ITGA3: variants seen among roughly 807,000 people sequenced by gnomAD.
The protein encoded by ITGA3 is integrin subunit alpha 3.
A neutral mutation model predicts 131.1 loss-of-function variants in ITGA3; 70 were observed. That is an observed-to-expected ratio of 0.53 (90% CI 0.44 to 0.65). The LOEUF (loss-of-function observed/expected upper bound fraction) is 0.65, where lower values mean the gene tolerates loss of function less well. Among genes scored for constraint, ITGA3 ranks in the 30% least tolerant of loss-of-function variants. The probability of loss-of-function intolerance (pLI) is 0.00; values close to 1 mark genes in which losing one functional copy is unlikely to be tolerated. For missense variants in ITGA3, 1,098 were observed against 1,388.6 expected, an observed-to-expected ratio of 0.79 and a Z score of 3.33; for synonymous variants, 537 against 571.6, an observed-to-expected ratio of 0.94 and a Z score of 0.86.
chr17:50,083,723 C>CAAAA lies in ITGA3; in HGVS notation c.2919+2328_2919+2331dup, dbSNP rs34118743. ...TGGGTGACAGAGTGACATCTTGCCTCAAAAAAAAAAAAAAAAGAAACTAAA... is the reference window on the plus strand; with the variant it reads ...TGGGTGACAGAGTGACATCTTGCCTCAAAAAAAAAAAAAAAAAAAAGAAACTAAA... On this transcript the variant is annotated intron_variant, in intron 23 of 25. Transcript: ENST00000320031. Among the ~76,000 whole-genome samples the CAAAA allele has an allele frequency of 1.5e-4, 19 of 124,918 alleles. No individual in the cohort carries two copies. In the Admixed American group the frequency reaches 1.6e-3, roughly 10 times the overall value. The allele number at this position is 124,918 out of a possible 152,430, so 82.0% of individuals were successfully genotyped here. A position where few individuals can be genotyped will look rare whatever the true frequency, so the allele number is the denominator to read the frequency against.
At chr17:50,073,660 T>C (rs1908739310) in intron 7 of ITGA3, among the ~76,000 whole-genome samples, 1 of 151,546 alleles carries the variant, frequency 6.6e-6, no homozygotes, top group South Asian at 2.1e-4. Flanking sequence ...ACTGAATGCT[T>C]GACAACTGTC....
chr17:50,075,718 C>T lies in ITGA3; in HGVS notation c.1657C>T (p.Leu553=), dbSNP rs750516883. The T allele has an allele frequency of 4.3e-6, 7 of 1,613,952 alleles. No individual in the cohort carries two copies. Among genetic ancestry groups the T allele is most frequent in the Non-Finnish European group, 4.2e-6 (5 of 1,179,958 alleles). Residue 553 remains leucine (L), a synonymous_variant, in exon 12 of 26, where the codon CTG becomes TTG. Transcript: ENST00000320031. ...CATGCCCGAGATGCGCTGCCAGAAG[C>T]TGGAGCTGCTCCTGATGGTGAGGGA... ...FSMPEMRCQK[L]ELLLMDNLRD...
chr17:50,076,422 C>T lies in ITGA3; in HGVS notation c.1771C>T (p.Leu591=). Residue 591 remains leucine (L), a synonymous_variant, in exon 13 of 26, where the codon CTG becomes TTG. Coordinates refer to ENST00000320031, the MANE Select transcript of ITGA3 (RefSeq NM_002204.4). ...TCGCCCCCGGCTGGGGCTGCGGTCC[C>T]TGGACGCCTACCCGATCCTCAACCA... is the stretch of plus-strand genomic sequence containing the variant. The part of the protein sequence containing the change: ...PDRPRLGLRS[L]DAYPILNQAQ... 2 of 1,611,924 alleles carry T rather than the reference C, an allele frequency of 1.2e-6. No homozygotes were observed. Among genetic ancestry groups the T allele is most frequent in the Admixed American group, 1.7e-5 (1 of 60,024 alleles).
In ITGA3 at chr17:50,079,460, C is replaced by T; in HGVS notation, c.2609C>T (p.Pro870Leu). ...LSDPGDRPSS[P>L]QRRRRQLDPG... ...GACCCTGGGGACAGGCCATCATCCC[C>T]ACAGCGCAGGCGGCGACAGCTGGAT... Residue 870 changes from proline (P) to leucine (L), a missense_variant, in exon 21 of 26, where the codon CCA (proline) becomes CTA (leucine). Around this residue, in one of 3 missense-constraint regions of ITGA3, gnomAD observed 699 missense variants for 829.2 expected, o/e 0.84. Coordinates refer to ENST00000320031, the MANE Select transcript of ITGA3 (RefSeq NM_002204.4). 1.3e-6 allele frequency: 2 copies of T among 1,576,998 alleles called. No homozygotes were observed. The highest frequency in any genetic ancestry group is 1.7e-6 in the Non-Finnish European group (2 of 1,162,756).
intron 19 of ITGA3, 53 bp from the exon 20 acceptor site, chr17:50,079,023 G>A (rs1484913806): frequency 6.4e-7 from 1 of 1,566,516 alleles, no homozygotes; most frequent in African/African-American, 1.4e-5. Context: ...GGGTTGGTAA[G>A]ATGGAGGTGG....
At chr17:50,078,406 AC>A in intron 18 of ITGA3, 122 bp downstream of exon 18, 2 of 714,394 alleles carry the variant, frequency 2.8e-6, no homozygotes, top group Admixed American at 2.6e-5. Context: ...TCAGGCCTCC[AC>A]TTTCCCTGGA....
chr17:50,086,299 T>G (rs1373906239), intron 23 of ITGA3: 2 of 144,122 alleles, frequency 1.4e-5, no homozygotes, highest in African/African-American at 2.5e-5. Context: ...TATTAGATTA[T>G]ATATATAACT....
At position 50,064,038 on chromosome 17, in the gene ITGA3, G is replaced by A; in HGVS notation, c.207-39G>A. On this transcript the variant is annotated intron_variant, in intron 1 of 25. Transcript: ENST00000320031. This position sits in a 1 kb window ranked among gnomAD's most constrained non-coding sequence, Gnocchi z 4.4. ...ACAAGTTGTTCCAAGTGGGGCTTGG[G>A]GAGTCTGAACCCGGACCCACCTCCG... The A allele has an allele frequency of 6.2e-7, 1 of 1,607,232 alleles. No individual in the cohort carries two copies. The highest frequency in any genetic ancestry group is 1.3e-5 in the African/African-American group (1 of 74,906).
chr17:50,061,489 C>A (rs1908073996), intron 1 of ITGA3, among the ~76,000 whole-genome samples: 1 of 151,858 alleles, frequency 6.6e-6, no homozygotes, highest in African/African-American at 2.4e-5. Context: ...TACAGGCGTG[C>A]CCAAGGCCCG....
At position 50,056,523 on chromosome 17, in the gene ITGA3, C is replaced by G. The variant is rs982451007; in HGVS notation, c.84C>G (p.Cys28Trp). 1.9e-6 allele frequency: 3 copies of G among 1,551,916 alleles called. No homozygotes were observed. Among genetic ancestry groups the G allele is most frequent in the Non-Finnish European group, 2.6e-6 (3 of 1,148,280 alleles). ...ALALMVAAGG[C>W]VVSAFNLDTR... is the part of the protein sequence containing the mutation. ...CCTTGATGGTGGCGGCCGGCGGCTG[C>G]GTCGTCTCCGCCTTCAACCTGGATA... The change falls in exon 1 of 26, where the codon TGC (cysteine) becomes TGG (tryptophan). Residue 28 changes from cysteine (C) to tryptophan (W), a missense_variant. Coordinates refer to ENST00000320031, the MANE Select transcript of ITGA3 (RefSeq NM_002204.4). The surrounding 1 kb of genome is among the most constrained non-coding windows in gnomAD (Gnocchi z 5.6).
rs1477157012 is a variant in ITGA3 at position 50,064,925 on chromosome 17, CAG to C, written c.414+323_414+324del. The C allele has an allele frequency of 3.2e-5, 8 of 247,180 alleles. No individual in the cohort carries two copies. The highest frequency in any genetic ancestry group is 1.6e-4 in the African/African-American group (7 of 43,884). 15.3% of individuals were successfully genotyped at this position (247,180 alleles called of 1,614,324 possible). On this transcript the variant is annotated intron_variant, in intron 3 of 25. Transcript: ENST00000320031. This position sits in a 1 kb window ranked among gnomAD's most constrained non-coding sequence, Gnocchi z 4.4. ...AGGGAACTGCAAGGAGGAGAAAGGG[CAG>C]AGAGGGCCCCAGGCAGCTCAGCGCT...
At chr17:50,089,082 G>A (rs781323996) in intron 25 of ITGA3, 28 bp from the exon 26 acceptor site, 179 of 1,600,504 alleles carry the variant, frequency 1.1e-4, no homozygotes, top group Non-Finnish European at 1.5e-4. Context: ...GGATGCTAAT[G>A]TTCTTTCTCT....
chr17:50,062,585 G>A (rs551726566), intron 1 of ITGA3, among the ~76,000 whole-genome samples: 79 of 152,316 alleles, frequency 5.2e-4, no homozygotes, highest in African/African-American at 1.9e-3. Context: ...TTGAAGTATA[G>A]GCAAGGTCCC....
At chr17:50,070,214 A>G (rs1381724642) in intron 4 of ITGA3, among the ~76,000 whole-genome samples, 1 of 152,206 alleles carries the variant, frequency 6.6e-6, no homozygotes, top group East Asian at 1.9e-4. Context: ...GCCATCTAGC[A>G]TCTAATATCC....
chr17:50,077,469 C>CCAGT (rs1908970333), intron 16 of ITGA3, 22 bp downstream of exon 16: 1 of 1,590,026 alleles, frequency 6.3e-7, no homozygotes, highest in Non-Finnish European at 8.6e-7. Flanking sequence ...CCACATCCTC[C>CCAGT]CAGTCCTCCT....
intron 23 of ITGA3, among the ~76,000 whole-genome samples, chr17:50,082,202 T>C (rs545385754): frequency 6.6e-6 from 1 of 151,426 alleles, no homozygotes; most frequent in Non-Finnish European, 1.5e-5. Flanking sequence ...TTATTTATTT[T>C]TTGAGATGGA....
chr17:50,068,093 G>A lies in ITGA3; in HGVS notation c.452G>A (p.Gly151Glu), dbSNP rs1908419356. Residue 151 changes from glycine to glutamate, a missense_variant, in exon 4 of 26, where the codon GGG (glycine) becomes GAG (glutamate). Gly to Glu is a moderately conservative substitution (Grantham distance 98). Transcript: ENST00000320031. ...AHRYTQVLWS[G>E]SEDQRRMVGK... The stretch of plus-strand genomic sequence containing the variant: ...CGCTACACCCAGGTGCTGTGGTCAG[G>A]GTCAGAAGACCAGCGGCGCATGGTG... 2 of 1,613,998 alleles carry A rather than the reference G, an allele frequency of 1.2e-6. No homozygotes were observed. Among genetic ancestry groups the A allele is most frequent in the Admixed American group, 1.7e-5 (1 of 60,014 alleles).
chr17:50,087,733 C>T lies in ITGA3; in HGVS notation c.2920-11C>T, dbSNP rs560203757. The T allele has an allele frequency of 6.2e-7, 1 of 1,610,710 alleles. No individual in the cohort carries two copies. Among genetic ancestry groups the T allele is most frequent in the Non-Finnish European group, 8.5e-7 (1 of 1,178,340 alleles). On this transcript the variant is annotated splice_polypyrimidine_tract_variant and intron_variant, in intron 23 of 25. Coordinates refer to ENST00000320031, the MANE Select transcript of ITGA3 (RefSeq NM_002204.4). ...CTGACACAGGGCTGAGTCCTCCTCT[C>T]CCCGCTCCAGTTCTCTGTGGACATT...
chr17:50,078,153 G>A (rs534438711), intron 17 of ITGA3, 28 bp downstream of exon 17: 6 of 1,613,084 alleles, frequency 3.7e-6, no homozygotes, highest in South Asian at 3.3e-5. Flanking sequence ...GCCAGTCTGG[G>A]TCAGGGCTGA....
Sources: gnomAD v4.1 joint callset for allele counts (sites outside exome capture counted in the v4.1 genomes callset) on GRCh38, gnomAD v4.1.1 for gene constraint, gnomAD v4.1.1 regional missense constraint, Gnocchi (gnomAD v3.1) non-coding constraint, MANE v1.5 for transcripts, NCBI Gene and HGNC (gene_info 2026-07-23, HGNC 2026-07-21) for gene names.